The following LRRC63 variants were observed in gnomAD, a reference collection of about 807,000 sequenced individuals.
The protein encoded by LRRC63 is leucine rich repeat containing 63.
In LRRC63, 40 loss-of-function variants were observed where a neutral mutation model predicts 49.5. That is an observed-to-expected ratio of 0.81 (90% CI 0.63 to 1.05). LRRC63 has a LOEUF of 1.05. Ranked by LOEUF, LRRC63 falls within the 50% of genes least tolerant of loss-of-function variation. LRRC63 has a pLI of 0.00. For synonymous variants in LRRC63, 191 were observed against 221.1 expected, an observed-to-expected ratio of 0.86 and a Z score of 1.21; for missense variants, 636 against 663.1, an observed-to-expected ratio of 0.96 and a Z score of 0.45.
At chr13:46,270,145 G>T in intron 9 of LRRC63, 1 of 719,030 alleles carries the variant, frequency 1.4e-6, no homozygotes, top group Admixed American at 1.8e-5. Flanking sequence ...TCACTCGCTG[G>T]TACAAAGCAG....
intron 9 of LRRC63, 130 bp from the exon 10 acceptor site, chr13:46,276,460 G>A (rs1020643988): frequency 4.9e-6 from 2 of 404,850 alleles, no homozygotes; most frequent in Non-Finnish European, 8.6e-6. Context: ...TCACTTAATG[G>A]GTAGCACTCA....
chr13:46,263,367 G>A (rs1346741571), intron 8 of LRRC63, among the ~76,000 whole-genome samples: 1 of 151,628 alleles, frequency 6.6e-6, no homozygotes, highest in African/African-American at 2.4e-5. Context: ...TAGAGATGGG[G>A]GTCTCACTAT....
rs978656069 is a variant in LRRC63 at position 46,212,254 on chromosome 13, T to A, written c.-39T>A. ...TTGAGCGCTTGTGTGCAGTTATCTT[T>A]TGGCGGTAAACGGCCCATTTGTGCA... is the stretch of plus-strand genomic sequence containing the variant. On this transcript the variant is annotated 5_prime_UTR_variant, in exon 1 of 10. In the 5' UTR this introduces an upstream ATG that the reference lacks. Coordinates refer to ENST00000595396, the Ensembl canonical transcript of LRRC63. The A allele has an allele frequency of 1.2e-4, 18 of 152,382 alleles. No homozygotes were observed. Among genetic ancestry groups the A allele is most frequent in the African/African-American group, 4.3e-4 (18 of 41,576 alleles). The allele number at this position is 152,382 out of a possible 1,614,324, so 9.4% of individuals were successfully genotyped here.
intron 4 of LRRC63, among the ~76,000 whole-genome samples, chr13:46,230,571 G>T (rs2046720882): frequency 6.6e-6 from 1 of 152,188 alleles, no homozygotes; most frequent in Non-Finnish European, 1.5e-5. Flanking sequence ...AAAAGCCGAA[G>T]AACTTGGAGT....
At chr13:46,261,815 G>A in intron 7 of LRRC63, 94 bp from the exon 8 acceptor site, 1 of 382,654 alleles carries the variant, frequency 2.6e-6, no homozygotes, top group Non-Finnish European at 4.7e-6. Flanking sequence ...TAGAAATCTG[G>A]TTTCTATACT....
intron 4 of LRRC63, among the ~76,000 whole-genome samples, chr13:46,229,333 A>C (rs1020158165): frequency 6.6e-6 from 1 of 152,242 alleles, no homozygotes; most frequent in Non-Finnish European, 1.5e-5. Flanking sequence ...TAAAGCTGCC[A>C]AAAATATATA....
chr13:46,267,564 G>A (rs1316685644), intron 9 of LRRC63, among the ~76,000 whole-genome samples: 3 of 152,276 alleles, frequency 2.0e-5, no homozygotes, highest in East Asian at 1.9e-4. Context: ...TATTTGCTAT[G>A]TGCCTAAGTA....
chr13:46,248,371 T>C (rs2047276662), intron 6 of LRRC63, among the ~76,000 whole-genome samples: 1 of 152,018 alleles, frequency 6.6e-6, no homozygotes, highest in Non-Finnish European at 1.5e-5. Flanking sequence ...ACAGATTCAA[T>C]GATACGCTGT....
intron 7 of LRRC63, among the ~76,000 whole-genome samples, chr13:46,261,368 A>G (rs539527390): frequency 7.9e-5 from 12 of 152,156 alleles, no homozygotes; most frequent in Non-Finnish European, 1.2e-4. Context: ...CCCAAATTCA[A>G]TGGCTATTGT....
intron 5 of LRRC63, among the ~76,000 whole-genome samples, chr13:46,238,724 A>G (rs2046972889): frequency 6.6e-6 from 1 of 152,208 alleles, no homozygotes; most frequent in South Asian, 2.1e-4. Context: ...GGGAGCTACA[A>G]TTCAAGATGA....
chr13:46,232,631 C>T (rs569581707), intron 4 of LRRC63, among the ~76,000 whole-genome samples: 1 of 152,136 alleles, frequency 6.6e-6, no homozygotes, highest in African/African-American at 2.4e-5. Flanking sequence ...GAAAACCTAA[C>T]ACGTTGAGAG....
chr13:46,224,712 A>G (rs1594018520), intron 2 of LRRC63, among the ~76,000 whole-genome samples: 1 of 152,074 alleles, frequency 6.6e-6, no homozygotes. Context: ...TTTTTAATTC[A>G]CTTCCATAGG....
intron 2 of LRRC63, among the ~76,000 whole-genome samples, chr13:46,220,666 C>T (rs1329376241): frequency 7.2e-6 from 1 of 138,230 alleles, no homozygotes; most frequent in Non-Finnish European, 1.6e-5. Flanking sequence ...AAAAAAAAAA[C>T]TCCAGCAGCT....
At chr13:46,223,475 G>GTT (rs147982198) in intron 2 of LRRC63, among the ~76,000 whole-genome samples, 25 of 127,774 alleles carry the variant, frequency 2.0e-4, no homozygotes, top group South Asian at 5.2e-4. Flanking sequence ...TTGGCTGACA[G>GTT]TTTTTTTTGT....
intron 6 of LRRC63, among the ~76,000 whole-genome samples, chr13:46,247,276 T>C (rs1437638275): frequency 1.3e-5 from 2 of 152,178 alleles, no homozygotes; most frequent in East Asian, 3.8e-4. Flanking sequence ...ATACTTTCTC[T>C]ATAATATAAT....
chr13:46,220,698 G>A (rs887651843), intron 2 of LRRC63, among the ~76,000 whole-genome samples: 1 of 152,060 alleles, frequency 6.6e-6, no homozygotes, highest in Non-Finnish European at 1.5e-5. Flanking sequence ...TGCCCCCATG[G>A]CCACCCAGTT....
chr13:46,258,169 G>A (rs548634290), intron 7 of LRRC63, among the ~76,000 whole-genome samples: 10 of 108,604 alleles, frequency 9.2e-5, no homozygotes, highest in African/African-American at 3.7e-4. Flanking sequence ...TGTTCTTGTT[G>A]CCCAGGCTGG....
At chr13:46,234,281 A>G (rs1005934046) in exon 5 of LRRC63, 33 of 1,550,238 alleles carry the variant, frequency 2.1e-5, no homozygotes, top group Admixed American at 2.0e-4. Context: ...ATATGAAACA[A>G]TAACAGCCAT....
At chr13:46,257,007 A>AGATT (rs1302862225) in intron 7 of LRRC63, among the ~76,000 whole-genome samples, 2 of 152,168 alleles carry the variant, frequency 1.3e-5, no homozygotes, top group African/African-American at 4.8e-5. Context: ...TAAAGTAGGG[A>AGATT]GATTATTCTG....
Sources: allele counts gnomAD v4.1 joint callset (sites outside exome capture counted in the v4.1 genomes callset), GRCh38; gene constraint gnomAD v4.1.1; transcripts MANE v1.5; gene names NCBI Gene and HGNC (gene_info 2026-07-23, HGNC 2026-07-21).